CAV3: variants seen among roughly 807,000 people sequenced by gnomAD.
The protein encoded by CAV3 is caveolin-3.
Under a neutral mutation model 13.4 loss-of-function variants are expected in CAV3, and 10 were observed. The ratio of observed to expected loss-of-function variants is 0.75; its 90% CI spans 0.46 to 1.27. The LOEUF (loss-of-function observed/expected upper bound fraction) is 1.27, where lower values mean the gene tolerates loss of function less well. Among genes scored for constraint, CAV3 ranks in the 50% most tolerant of loss-of-function variants. The pLI is 0.00. For missense variants in CAV3, 162 were observed against 194.0 expected, an observed-to-expected ratio of 0.83 and a Z score of 0.98; for synonymous variants, 90 against 79.0, an observed-to-expected ratio of 1.14 and a Z score of -0.74.
Position 8,734,567 on chromosome 3 carries a change from G to A in CAV3, c.114+577G>A, listed in dbSNP as rs574945087. Among the ~76,000 whole-genome samples, 47 of 152,268 alleles carry A rather than the reference G, an allele frequency of 3.1e-4. No homozygotes were observed. The East Asian group carries it at 8.1e-3, about 26-fold the overall frequency. ...CCAGGACAGGGCAGACGGCACCCGG[G>A]ACCCTCGAAGAGAAAGCTCGGGGTT... On this transcript the variant is annotated intron_variant, in intron 1 of 1. Transcript: ENST00000343849.
chr3:8,744,681 G>A lies in CAV3; in HGVS notation c.115-845G>A, dbSNP rs11928982. On this transcript the variant is annotated intron_variant, in intron 1 of 1. Coordinates refer to ENST00000343849, the MANE Select transcript of CAV3 (RefSeq NM_033337.3). The stretch of plus-strand genomic sequence containing the variant: ...AGGGCTCGAGAGAGCTTAGGTAAGC[G>A]ATGTGAGGAACCTCTGCCTGTTCAC... Among the ~76,000 whole-genome samples the A allele has an allele frequency of 6.3e-3, 952 of 152,236 alleles. 7 individuals carry two copies. The highest frequency in any genetic ancestry group is 0.022 in the African/African-American group (909 of 41,526).
Position 8,745,722 on chromosome 3 carries a change from T to G in CAV3, c.311T>G (p.Val104Gly). Residue 104 changes from valine to glycine, a missense_variant, in exon 2 of 2, where the codon GTG (valine) becomes GGG (glycine). Coordinates refer to ENST00000343849, the MANE Select transcript of CAV3 (RefSeq NM_033337.3). This position sits in a 1 kb window ranked among gnomAD's most constrained non-coding sequence, Gnocchi z 4.8. ...CISFCHIWAV[V>G]PCIKSYLIEI... ...TCCTTCTGCCACATCTGGGCGGTGG[T>G]GCCATGCATTAAGAGCTACCTGATC... 1 of 1,614,172 alleles carries G rather than the reference T, an allele frequency of 6.2e-7. No individual in the cohort carries two copies. Among genetic ancestry groups the G allele is most frequent in the South Asian group, 1.1e-5 (1 of 91,090 alleles).
At chr3:8,744,918 A>C (rs1708101678) in intron 1 of CAV3, 1 of 153,444 alleles carries the variant, frequency 6.5e-6, no homozygotes, top group South Asian at 2.0e-4. Context: ...CTTGGGCTCA[A>C]CAGGGAGCTT....
chr3:8,741,450 C>A (rs1451128540), intron 1 of CAV3, among the ~76,000 whole-genome samples: 2 of 152,154 alleles, frequency 1.3e-5, no homozygotes, highest in Non-Finnish European at 2.9e-5. Flanking sequence ...TGGGATCTGG[C>A]AAAAGCTAAG....
chr3:8,742,846 C>T (rs1708023577), intron 1 of CAV3, among the ~76,000 whole-genome samples: 1 of 152,080 alleles, frequency 6.6e-6, no homozygotes. Context: ...GAGTGTCAGT[C>T]TGTTTTTCAT....
At chr3:8,741,417 AGCAAGGTAATAG>A (rs1707954326) in intron 1 of CAV3, among the ~76,000 whole-genome samples, 1 of 152,228 alleles carries the variant, frequency 6.6e-6, no homozygotes. Flanking sequence ...CCTTTTAAGT[AGCAAGGTAATAG>A]GGGAGGAAGC....
intron 1 of CAV3, among the ~76,000 whole-genome samples, chr3:8,737,771 C>T (rs1414213138): frequency 6.6e-6 from 1 of 152,172 alleles, no homozygotes; most frequent in African/African-American, 2.4e-5. Flanking sequence ...GCAAACCCTC[C>T]AGGCTGCAGG....
intron 1 of CAV3, chr3:8,744,805 T>C (rs1022795094): frequency 6.6e-6 from 1 of 152,412 alleles, no homozygotes; most frequent in Non-Finnish European, 1.5e-5. Context: ...GCTGCGACTA[T>C]AGCACTGCCA....
Position 8,745,572 on chromosome 3 carries a change from T to G in CAV3, c.161T>G (p.Phe54Cys), listed in dbSNP as rs1708130115. The change falls in exon 2 of 2, where the codon TTT becomes TGT. Residue 54 changes from phenylalanine (F) to cysteine (C), a missense_variant. Transcript: ENST00000343849. This position sits in a 1 kb window ranked among gnomAD's most constrained non-coding sequence, Gnocchi z 4.8. ...VIAEPVGTYS[F>C]DGVWKVSYTT... ...GCAGAGCCTGTGGGCACCTACAGCT[T>G]TGACGGCGTGTGGAAGGTGAGCTAC... The G allele has an allele frequency of 6.2e-7, 1 of 1,614,018 alleles. No homozygotes were observed. The highest frequency in any genetic ancestry group is 8.5e-7 in the Non-Finnish European group (1 of 1,180,016).
At chr3:8,736,664 G>A (rs1052736176) in intron 1 of CAV3, among the ~76,000 whole-genome samples, 5 of 152,240 alleles carry the variant, frequency 3.3e-5, no homozygotes, top group Admixed American at 1.3e-4. Flanking sequence ...CAGAGGGAGC[G>A]GCGGGGGCGG....
At chr3:8,736,599 G>C (rs1418732694) in intron 1 of CAV3, among the ~76,000 whole-genome samples, 1 of 152,200 alleles carries the variant, frequency 6.6e-6, no homozygotes, top group African/African-American at 2.4e-5. Flanking sequence ...GGAGCCCTTG[G>C]ATCCCTCTGA....
intron 1 of CAV3, 138 bp downstream of exon 1, chr3:8,734,128 C>T (rs1017129975): frequency 1.3e-5 from 9 of 675,620 alleles, no homozygotes; most frequent in Admixed American, 4.2e-5. Context: ...TGTATCACCC[C>T]CCCAACCCCA....
At chr3:8,734,333 C>T (rs554100094) in intron 1 of CAV3, among the ~76,000 whole-genome samples, 45 of 152,286 alleles carry the variant, frequency 3.0e-4, no homozygotes, top group Non-Finnish European at 5.4e-4. Flanking sequence ...CAGGAACGGG[C>T]GGCCAAGTTG....
chr3:8,738,038 TTCTCTC>T (rs71634725), intron 1 of CAV3, among the ~76,000 whole-genome samples: 2 of 127,322 alleles, frequency 1.6e-5, no homozygotes. Context: ...CTCCTCTGTC[TTCTCTC>T]TCTCTCTCTC....
At position 8,745,079 on chromosome 3, in the gene CAV3, A is replaced by G; in HGVS notation, c.115-447A>G. The G allele has an allele frequency of 5.7e-6, 1 of 174,350 alleles. No homozygotes were observed. Among genetic ancestry groups the G allele is most frequent in the Non-Finnish European group, 1.2e-5 (1 of 80,292 alleles). 10.8% of individuals were successfully genotyped at this position (174,350 alleles called of 1,614,324 possible). On this transcript the variant is annotated intron_variant, in intron 1 of 1. Coordinates refer to ENST00000343849, the MANE Select transcript of CAV3 (RefSeq NM_033337.3). The surrounding 1 kb of genome is among the most constrained non-coding windows in gnomAD (Gnocchi z 4.8). Reference sequence around the variant, plus strand: ...GTGGGGCCGGGTGGGAGGTGATCGGATCACAGAGGCAGATCCCTCGTGGCT... The same window carrying G: ...GTGGGGCCGGGTGGGAGGTGATCGGGTCACAGAGGCAGATCCCTCGTGGCT...
Position 8,745,382 on chromosome 3 carries a change from G to T in CAV3, c.115-144G>T. On this transcript the variant is annotated intron_variant, in intron 1 of 1. Coordinates refer to ENST00000343849, the MANE Select transcript of CAV3 (RefSeq NM_033337.3). This position sits in a 1 kb window ranked among gnomAD's most constrained non-coding sequence, Gnocchi z 4.8. ...GCCTCAGGTATGTCTTTAAAGCAAT[G>T]CAAGAATAGCCTAATACAGGTAGGG... 1.5e-6 allele frequency: 1 copy of T among 671,292 alleles called. No individual in the cohort carries two copies. The highest frequency in any genetic ancestry group is 2.7e-6 in the Non-Finnish European group (1 of 372,422). 41.6% of individuals were successfully genotyped at this position (671,292 alleles called of 1,614,324 possible).
chr3:8,742,948 G>A (rs1456101044), intron 1 of CAV3, among the ~76,000 whole-genome samples: 1 of 152,198 alleles, frequency 6.6e-6, no homozygotes, highest in Non-Finnish European at 1.5e-5. Flanking sequence ...GAAGCATGGT[G>A]CAGGCATCTG....
At chr3:8,739,004 A>C (rs1016996553) in intron 1 of CAV3, among the ~76,000 whole-genome samples, 4 of 152,266 alleles carry the variant, frequency 2.6e-5, no homozygotes, top group Non-Finnish European at 5.9e-5. Context: ...GGGCAGGTTG[A>C]AACTAAATAA....
At chr3:8,743,615 C>A (rs1306825106) in intron 1 of CAV3, among the ~76,000 whole-genome samples, 4 of 152,130 alleles carry the variant, frequency 2.6e-5, no homozygotes, top group Non-Finnish European at 5.9e-5. Context: ...AGAGTCTCAC[C>A]CTGTAAACTG....
Sources: gnomAD v4.1 joint callset for allele counts (sites outside exome capture counted in the v4.1 genomes callset) on GRCh38, gnomAD v4.1.1 for gene constraint, Gnocchi (gnomAD v3.1) non-coding constraint, MANE v1.5 for transcripts, NCBI Gene and HGNC (gene_info 2026-07-23, HGNC 2026-07-21) for gene names.